Variants in TBC1D32 observed in about 807,000 individuals in gnomAD.
TBC1D32 encodes TBC1 domain family member 32.
TBC1D32 carries 151 observed loss-of-function variants against 170.3 expected under a neutral mutation model. That is an observed-to-expected ratio of 0.89 (90% CI 0.78 to 1.01). The LOEUF is 1.01. Among genes scored for constraint, TBC1D32 ranks in the 50% least tolerant of loss-of-function variants. The pLI, the probability that TBC1D32 is intolerant of heterozygous loss-of-function variation, is 0.00. For missense variants in TBC1D32, 1,464 were observed against 1,457.1 expected, an observed-to-expected ratio of 1.00 and a Z score of -0.08; for synonymous variants, 498 against 488.0, an observed-to-expected ratio of 1.02 and a Z score of -0.27.
intron 24 of TBC1D32, among the ~76,000 whole-genome samples, chr6:121,150,493 G>A (rs1444348029): frequency 6.6e-6 from 1 of 152,178 alleles, no homozygotes; most frequent in South Asian, 2.1e-4. Flanking sequence ...CCAGGTTTTG[G>A]TATCAGGATG....
chr6:121,095,442 TGCCCTG>T (rs369126722), intron 30 of TBC1D32, among the ~76,000 whole-genome samples: 19 of 152,318 alleles, frequency 1.2e-4, no homozygotes, highest in African/African-American at 4.6e-4. Flanking sequence ...CTTGCCTGAT[TGCCCTG>T]GCCAGAACTT....
In TBC1D32 at chr6:121,334,448, T is replaced by A. The variant is rs182454736; in HGVS notation, c.-18A>T. 1 of 1,609,212 alleles carries A rather than the reference T, an allele frequency of 6.2e-7. No homozygotes were observed. The highest frequency in any genetic ancestry group is 2.2e-5 in the East Asian group (1 of 44,650). On this transcript the variant is annotated 5_prime_UTR_variant, in exon 1 of 32. Coordinates refer to ENST00000398212, the MANE Select transcript of TBC1D32 (RefSeq NM_152730.6). Reference sequence around the variant, plus strand: ...TGGGCCATCCTGTTGGAATCAAACGTCCACTCTCATTACTCCAGGTCCGAG... The same window carrying A: ...TGGGCCATCCTGTTGGAATCAAACGACCACTCTCATTACTCCAGGTCCGAG...
chr6:121,169,858 G>A (rs1158966994), intron 22 of TBC1D32, among the ~76,000 whole-genome samples: 1 of 152,008 alleles, frequency 6.6e-6, no homozygotes, highest in Non-Finnish European at 1.5e-5. Flanking sequence ...GCCAAATTGA[G>A]GTAATGGCAA....
At chr6:121,109,156 G>A (rs372787350) in intron 29 of TBC1D32, among the ~76,000 whole-genome samples, 1 of 152,244 alleles carries the variant, frequency 6.6e-6, no homozygotes. Context: ...TAACAAGTAT[G>A]TCATGCCATT....
chr6:121,320,928 C>T (rs376769792), intron 2 of TBC1D32, among the ~76,000 whole-genome samples: 3 of 151,900 alleles, frequency 2.0e-5, no homozygotes, highest in African/African-American at 4.8e-5. Flanking sequence ...ATAACACTGA[C>T]GAGAAAAAAA....
chr6:121,106,137 T>C lies in TBC1D32; in HGVS notation c.3351A>G (p.Glu1117=), dbSNP rs56356586. The C allele has an allele frequency of 0.025, 38,602 of 1,570,316 alleles. 606 individuals are homozygous for C. The highest frequency in any genetic ancestry group is 0.029 in the Non-Finnish European group (32,947 of 1,152,652). The change falls in exon 30 of 32, where the codon GAA becomes GAG. Residue 1117 remains glutamate, a synonymous_variant. Coordinates refer to ENST00000398212, the MANE Select transcript of TBC1D32 (RefSeq NM_152730.6). ...AAAAATATACTGGATGGATGCCAGA[T>C]TCTACAGTGTCATTAGGAAGGTAAC... ...ISSYLPNDTV[E]SGIHPVYFCS...
chr6:121,102,195 A>G (rs997295781), intron 30 of TBC1D32, among the ~76,000 whole-genome samples: 8 of 152,178 alleles, frequency 5.3e-5, no homozygotes, highest in Non-Finnish European at 1.5e-5. Flanking sequence ...TGCCATCCCC[A>G]TCTAGCTACC....
At chr6:121,327,620 G>C (rs75872390) in intron 1 of TBC1D32, among the ~76,000 whole-genome samples, 2 of 152,312 alleles carry the variant, frequency 1.3e-5, no homozygotes, top group South Asian at 4.1e-4. Flanking sequence ...CCATGTATGA[G>C]AGAGAATGGA....
chr6:121,108,190 T>C (rs1030867430), intron 29 of TBC1D32, among the ~76,000 whole-genome samples: 1 of 152,122 alleles, frequency 6.6e-6, no homozygotes, highest in Non-Finnish European at 1.5e-5. Flanking sequence ...TTAATTACCA[T>C]TTCATGCCTC....
chr6:121,287,145 CAT>C (rs1563243228), intron 12 of TBC1D32, among the ~76,000 whole-genome samples: 1 of 152,110 alleles, frequency 6.6e-6, no homozygotes, highest in Non-Finnish European at 1.5e-5. Context: ...CAAATTCACA[CAT>C]AACAATATTA....
chr6:121,089,174 T>C (rs1011415976), intron 31 of TBC1D32, among the ~76,000 whole-genome samples: 8 of 152,148 alleles, frequency 5.3e-5, no homozygotes, highest in South Asian at 2.1e-4. Flanking sequence ...TCAACAAATA[T>C]GTATTGAATA....
intron 22 of TBC1D32, among the ~76,000 whole-genome samples, chr6:121,181,984 C>G (rs977087544): frequency 2.6e-5 from 4 of 152,154 alleles, no homozygotes; most frequent in Admixed American, 2.6e-4. Flanking sequence ...GATTACTACA[C>G]ATTGTATACA....
intron 21 of TBC1D32, among the ~76,000 whole-genome samples, chr6:121,215,292 C>A (rs78585455): frequency 0.065 from 9,838 of 152,258 alleles, 622 homozygotes; most frequent in Admixed American, 0.21. Context: ...GGGGCTTCAC[C>A]AGGGATCCAC....
chr6:121,129,186 C>T (rs926793327), intron 25 of TBC1D32, among the ~76,000 whole-genome samples: 3 of 152,186 alleles, frequency 2.0e-5, no homozygotes, highest in South Asian at 4.1e-4. Flanking sequence ...ATCATCATAA[C>T]AATAACTGAT....
chr6:121,158,524 G>C (rs533375347), intron 24 of TBC1D32, among the ~76,000 whole-genome samples: 15 of 152,194 alleles, frequency 9.9e-5, no homozygotes, highest in African/African-American at 3.4e-4. Flanking sequence ...TTTCAATATG[G>C]TTAAGAACCA....
intron 24 of TBC1D32, among the ~76,000 whole-genome samples, chr6:121,132,995 A>G (rs1013820856): frequency 6.6e-6 from 1 of 151,960 alleles, no homozygotes; most frequent in Non-Finnish European, 1.5e-5. Flanking sequence ...ATTAATTCAT[A>G]CCTTTTTCTT....
intron 21 of TBC1D32, among the ~76,000 whole-genome samples, chr6:121,215,863 G>A (rs1409077472): frequency 6.6e-6 from 1 of 152,206 alleles, no homozygotes; most frequent in Non-Finnish European, 1.5e-5. Context: ...AGATGATGGT[G>A]AAATTGTGGA....
intron 29 of TBC1D32, among the ~76,000 whole-genome samples, chr6:121,108,951 T>C (rs1263395637): frequency 6.6e-6 from 1 of 152,134 alleles, no homozygotes; most frequent in Admixed American, 6.6e-5. Flanking sequence ...ATTTTGCAGA[T>C]TTTTTAAAAC....
At chr6:121,081,914 A>G (rs1775682061) in intron 31 of TBC1D32, among the ~76,000 whole-genome samples, 1 of 151,858 alleles carries the variant, frequency 6.6e-6, no homozygotes, top group African/African-American at 2.4e-5. Flanking sequence ...GGGAAAGGTT[A>G]GTTGGGACAT....
Sources: allele counts gnomAD v4.1 joint callset (sites outside exome capture counted in the v4.1 genomes callset), GRCh38; gene constraint gnomAD v4.1.1; transcripts MANE v1.5; gene names NCBI Gene and HGNC (gene_info 2026-07-23, HGNC 2026-07-21).